LRRTM3: variants seen among roughly 807,000 people sequenced by gnomAD.
LRRTM3 encodes the protein leucine-rich repeat transmembrane neuronal protein 3.
In LRRTM3, 24 loss-of-function variants were observed where a neutral mutation model predicts 44.7. The observed-to-expected ratio is 0.54, with a 90% CI of 0.39 to 0.76. LRRTM3 has a LOEUF of 0.76. Among genes scored for constraint, LRRTM3 ranks in the 30% least tolerant of loss-of-function variants. The pLI is 0.00. For synonymous variants in LRRTM3, 277 were observed against 278.7 expected, an observed-to-expected ratio of 0.99 and a Z score of 0.06; for missense variants, 587 against 702.2, an observed-to-expected ratio of 0.84 and a Z score of 1.85.
intron 2 of LRRTM3, among the ~76,000 whole-genome samples, chr10:66,934,796 T>C (rs889687223): frequency 1.6e-4 from 25 of 152,166 alleles, no homozygotes; most frequent in African/African-American, 5.3e-4. Context: ...AGGCAAATAC[T>C]ACATTTAGCA....
At chr10:67,000,312 A>T (rs1851603781) in intron 2 of LRRTM3, among the ~76,000 whole-genome samples, 1 of 152,216 alleles carries the variant, frequency 6.6e-6, no homozygotes, top group Admixed American at 6.5e-5. Context: ...TGAGGTAAGA[A>T]AAGGCTGCCC....
intron 2 of LRRTM3, among the ~76,000 whole-genome samples, chr10:67,087,474 A>C (rs1857369951): frequency 6.6e-6 from 1 of 151,994 alleles, no homozygotes; most frequent in South Asian, 2.1e-4. Context: ...TTCTTTTAAA[A>C]AGTTTTATAC....
intron 2 of LRRTM3, among the ~76,000 whole-genome samples, chr10:67,095,510 T>G (rs768773512): frequency 6.6e-6 from 1 of 151,770 alleles, no homozygotes; most frequent in Non-Finnish European, 1.5e-5. Context: ...GGACTTGCAC[T>G]CTGCATACCA....
Position 66,928,254 on chromosome 10 carries a change from T to C in LRRTM3, c.1338T>C (p.Pro446=). 6.2e-7 allele frequency: 1 copy of C among 1,614,126 alleles called. No individual in the cohort carries two copies. The highest frequency in any genetic ancestry group is 1.3e-5 in the African/African-American group (1 of 75,046). The stretch of plus-strand genomic sequence containing the variant: ...TCTACGTGTCATGGAAGCGGTACCC[T>C]GCGAGCATGAAGCAGCTGCAGCAGC... ...LVIYVSWKRY[P]ASMKQLQQRS... Residue 446 remains proline, a synonymous_variant, in exon 2 of 3, where the codon CCT becomes CCC. Coordinates refer to ENST00000361320, the MANE Select transcript of LRRTM3 (RefSeq NM_178011.5).
chr10:67,027,540 T>C (rs1241397027), intron 2 of LRRTM3, among the ~76,000 whole-genome samples: 1 of 151,552 alleles, frequency 6.6e-6, no homozygotes, highest in Admixed American at 6.6e-5. Flanking sequence ...GTTCAAGTGA[T>C]TCTCCTGCCT....
chr10:67,053,176 T>C (rs1003667823), intron 2 of LRRTM3, among the ~76,000 whole-genome samples: 10 of 152,176 alleles, frequency 6.6e-5, no homozygotes, highest in Admixed American at 5.2e-4. Context: ...TTTAGAATAT[T>C]AAGGTTTGGT....
At chr10:66,971,366 C>A (rs1849714819) in intron 2 of LRRTM3, among the ~76,000 whole-genome samples, 1 of 152,034 alleles carries the variant, frequency 6.6e-6, no homozygotes, top group Non-Finnish European at 1.5e-5. Context: ...GCGGAGGTTG[C>A]AGTGAGCCGA....
At chr10:67,042,095 T>C (rs1003039289) in intron 2 of LRRTM3, among the ~76,000 whole-genome samples, 2 of 152,104 alleles carry the variant, frequency 1.3e-5, no homozygotes, top group East Asian at 3.9e-4. Flanking sequence ...TTTAGACTTT[T>C]TAATAAACAG....
rs145970488 is a variant in LRRTM3 at position 67,046,307 on chromosome 10, C to T, written c.1537-51280C>T. ...TTCTTATCTCAGGGCCACGTTGCTACCATAAATCAAATATGCCAGGTTTCA... is the reference window on the plus strand; with the variant it reads ...TTCTTATCTCAGGGCCACGTTGCTATCATAAATCAAATATGCCAGGTTTCA... On this transcript the variant is annotated intron_variant, in intron 2 of 2. Transcript: ENST00000361320. Among the ~76,000 whole-genome samples the T allele has an allele frequency of 9.1e-4, 138 of 152,298 alleles. 3 individuals are homozygous for T. The highest frequency in any genetic ancestry group is 3.2e-3 in the African/African-American group (134 of 41,560).
intron 2 of LRRTM3, among the ~76,000 whole-genome samples, chr10:66,940,239 C>T (rs1197098189): frequency 1.3e-5 from 2 of 152,044 alleles, no homozygotes; most frequent in African/African-American, 4.8e-5. Flanking sequence ...GTGGCTCATG[C>T]CTATAGGCCC....
intron 2 of LRRTM3, chr10:67,054,851 C>T (rs1855328270): frequency 1.3e-5 from 2 of 151,976 alleles, no homozygotes; most frequent in Admixed American, 1.3e-4. Context: ...GGTAGGGAGT[C>T]CAACACTTCC....
intron 2 of LRRTM3, among the ~76,000 whole-genome samples, chr10:67,084,571 A>C (rs986035706): frequency 5.3e-5 from 8 of 151,974 alleles, no homozygotes; most frequent in African/African-American, 1.4e-4. Flanking sequence ...TCCTGATCCT[A>C]CATTAGATTT....
intron 2 of LRRTM3, among the ~76,000 whole-genome samples, chr10:67,005,923 T>C (rs970887517): frequency 6.6e-6 from 1 of 151,836 alleles, no homozygotes; most frequent in Non-Finnish European, 1.5e-5. Context: ...TGTTCTCAGG[T>C]GACCTGCCTG....
At chr10:66,972,647 C>A (rs1241866775) in intron 2 of LRRTM3, among the ~76,000 whole-genome samples, 10 of 150,244 alleles carry the variant, frequency 6.7e-5, no homozygotes, top group African/African-American at 2.5e-4. Flanking sequence ...CATAAGCAAA[C>A]CCATAATATT....
chr10:66,950,468 T>G (rs890619757), intron 2 of LRRTM3, among the ~76,000 whole-genome samples: 3 of 152,134 alleles, frequency 2.0e-5, no homozygotes, highest in African/African-American at 7.2e-5. Flanking sequence ...GTCACACTTG[T>G]GAGAGTCTCA....
At chr10:66,956,753 T>G (rs1477520592) in intron 2 of LRRTM3, among the ~76,000 whole-genome samples, 1 of 152,212 alleles carries the variant, frequency 6.6e-6, no homozygotes, top group African/African-American at 2.4e-5. Flanking sequence ...CTTAACTGAT[T>G]TCAACTGAAT....
intron 2 of LRRTM3, among the ~76,000 whole-genome samples, chr10:67,074,496 G>A (rs1001195863): frequency 4.0e-5 from 6 of 151,410 alleles, no homozygotes; most frequent in African/African-American, 1.2e-4. Flanking sequence ...GACTACAGGC[G>A]CCCACCACCA....
intron 2 of LRRTM3, among the ~76,000 whole-genome samples, chr10:67,087,103 C>T (rs936399325): frequency 6.6e-6 from 1 of 152,058 alleles, no homozygotes; most frequent in East Asian, 1.9e-4. Flanking sequence ...ATCACTTTAC[C>T]TGGCAATAGT....
intron 2 of LRRTM3, among the ~76,000 whole-genome samples, chr10:66,978,552 A>AAAAATATATATATAT: frequency 0.033 from 1,262 of 37,778 alleles, 84 homozygotes; most frequent in Middle Eastern, 0.06. Context: ...AAAAAAAAAA[A>AAAAATATATATATAT]ATATATATAT....
Sources: allele counts gnomAD v4.1 joint callset (sites outside exome capture counted in the v4.1 genomes callset), GRCh38; gene constraint gnomAD v4.1.1; transcripts MANE v1.5; gene names NCBI Gene and HGNC (gene_info 2026-07-23, HGNC 2026-07-21).